The following CDK5RAP2 variants were observed in gnomAD, a reference collection of about 807,000 sequenced individuals.
The protein encoded by CDK5RAP2 is CDK5 regulatory subunit associated protein 2, also known as CDK5 regulatory subunit-associated protein 2.
CDK5RAP2 carries 147 observed loss-of-function variants against 232.9 expected under a neutral mutation model. The ratio of observed to expected loss-of-function variants is 0.63; its 90% CI spans 0.55 to 0.72. The LOEUF (loss-of-function observed/expected upper bound fraction) is 0.72. CDK5RAP2 is among the 30% of genes least tolerant of loss of function. CDK5RAP2 has a pLI of 0.00. For synonymous variants in CDK5RAP2, 833 were observed against 833.7 expected (o/e 1.00, Z 0.01); for missense variants, 2,195 against 2,231.5 (o/e 0.98, Z 0.33).
At position 120,409,138 on chromosome 9, in the gene CDK5RAP2, C is replaced by A. The variant is rs758565861; in HGVS notation, c.4593G>T (p.Gln1531His). The A allele has an allele frequency of 8.7e-6, 14 of 1,611,838 alleles. No individual in the cohort carries two copies. The highest frequency in any genetic ancestry group is 9.3e-6 in the Non-Finnish European group (11 of 1,179,988). The change falls in exon 30 of 38, where the codon CAG becomes CAT. Residue 1531 changes from glutamine (Q) to histidine (H), a missense_variant. Transcript: ENST00000349780. ...QLIQEVRCSG[Q>H]ELSRVQEEVK... ...AGCACAGCCACTACCTGCTCAGCTC[C>A]TGGCCGCTGCAGCGGACCTCCTGGA...
intron 19 of CDK5RAP2, among the ~76,000 whole-genome samples, chr9:120,458,956 C>T (rs2036936645): frequency 6.6e-6 from 1 of 152,188 alleles, no homozygotes; most frequent in African/African-American, 2.4e-5. Context: ...GAGACCACCT[C>T]AGGTGACATG....
chr9:120,567,891 C>T lies in CDK5RAP2; in HGVS notation c.195+430G>A, dbSNP rs77813383. 6.2e-3 allele frequency among the ~76,000 whole-genome samples: 948 copies of T among 152,248 alleles called. 10 individuals carry two copies. Among genetic ancestry groups the T allele is most frequent in the African/African-American group, 0.021 (881 of 41,548 alleles). ...TCCTAGTCTTAAGATTCCTAACCTG[C>T]AAAATGGGAATGATACAAAATATCT... On this transcript the variant is annotated intron_variant, in intron 3 of 37. Coordinates refer to ENST00000349780, the MANE Select transcript of CDK5RAP2 (RefSeq NM_018249.6).
intron 5 of CDK5RAP2, among the ~76,000 whole-genome samples, chr9:120,542,830 G>C (rs1294991024): frequency 1.3e-5 from 2 of 152,180 alleles, no homozygotes; most frequent in African/African-American, 2.4e-5. Flanking sequence ...GTTAAACATA[G>C]AGTATTATCA....
rs540338259 is a variant in CDK5RAP2, at chr9:120,453,948, G to A, written c.2376-75C>T. On this transcript the variant is annotated intron_variant, in intron 20 of 37. Transcript: ENST00000349780. ...CCTTGTCCCCTAGCCAGTATCCCAAGTTATCCCCACCTACTGTTGCCCAGA... is the reference window on the plus strand; with the variant it reads ...CCTTGTCCCCTAGCCAGTATCCCAAATTATCCCCACCTACTGTTGCCCAGA... The A allele has an allele frequency of 6.8e-5, 98 of 1,448,310 alleles. No homozygotes were observed. In the South Asian group the frequency reaches 1.0e-3, roughly 15 times the overall value. The allele number at this position is 1,448,310 out of a possible 1,614,324, so 89.7% of individuals were successfully genotyped here.
At chr9:120,399,204 G>T (rs993175803) in intron 35 of CDK5RAP2, among the ~76,000 whole-genome samples, 4 of 152,116 alleles carry the variant, frequency 2.6e-5, no homozygotes, top group African/African-American at 9.7e-5. Flanking sequence ...AACTTTTTTT[G>T]TGTGTATATA....
In CDK5RAP2 at chr9:120,579,964, C is replaced by G. The variant is rs762101888; in HGVS notation, c.15G>C (p.Val5=). MMDL[V]LEEDVTVPGT... ...CAGGGACGGTGACGTCCTCTTCCAA[C>G]ACCAAGTCCATCATGGCTACAGAGG... is the stretch of plus-strand genomic sequence containing the variant. Residue 5 remains valine (V), a synonymous_variant, in exon 1 of 38, where the codon GTG becomes GTC. Coordinates refer to ENST00000349780, the MANE Select transcript of CDK5RAP2 (RefSeq NM_018249.6). 1 of 1,612,294 alleles carries G rather than the reference C, an allele frequency of 6.2e-7. No homozygotes were observed. Among genetic ancestry groups the G allele is most frequent in the African/African-American group, 1.3e-5 (1 of 74,924 alleles).
chr9:120,575,699 C>T (rs1014747941), intron 1 of CDK5RAP2, among the ~76,000 whole-genome samples: 3 of 152,164 alleles, frequency 2.0e-5, no homozygotes, highest in African/African-American at 4.8e-5. Context: ...GCCTAAAGTT[C>T]TCCTTGGCTC....
intron 16 of CDK5RAP2, among the ~76,000 whole-genome samples, chr9:120,471,457 G>A (rs1180564790): frequency 6.6e-6 from 1 of 152,198 alleles, no homozygotes; most frequent in African/African-American, 2.4e-5. Context: ...CCCCAAAAAA[G>A]GGGATTGCAA....
chr9:120,481,829 T>C (rs1268917942), intron 14 of CDK5RAP2, among the ~76,000 whole-genome samples: 2 of 152,194 alleles, frequency 1.3e-5, no homozygotes, highest in African/African-American at 4.8e-5. Context: ...TCAATATTCT[T>C]ACCTCTAAGT....
At chr9:120,528,638 G>C (rs966291489) in intron 9 of CDK5RAP2, 106 bp downstream of exon 9, 5 of 757,828 alleles carry the variant, frequency 6.6e-6, no homozygotes, top group African/African-American at 1.7e-5. Flanking sequence ...AGCATTCAAT[G>C]AGTGACAGCT....
chr9:120,417,522 A>T (rs1470967114), intron 27 of CDK5RAP2, among the ~76,000 whole-genome samples: 1 of 152,236 alleles, frequency 6.6e-6, no homozygotes, highest in Non-Finnish European at 1.5e-5. Context: ...TCACACACTC[A>T]TGACTGTGAG....
chr9:120,556,459 C>T (rs969653609), intron 3 of CDK5RAP2, among the ~76,000 whole-genome samples: 7 of 150,378 alleles, frequency 4.7e-5, no homozygotes, highest in Admixed American at 1.3e-4. Flanking sequence ...GACAGAGTCT[C>T]GCTCTGTCAC....
At chr9:120,479,803 G>C (rs1346700512) in intron 14 of CDK5RAP2, among the ~76,000 whole-genome samples, 1 of 152,128 alleles carries the variant, frequency 6.6e-6, no homozygotes, top group African/African-American at 2.4e-5. Flanking sequence ...CACTACAAAG[G>C]GTGTTATTGA....
chr9:120,491,499 A>C (rs752541580), intron 12 of CDK5RAP2, 22 bp from the exon 13 acceptor site: 2 of 1,587,204 alleles, frequency 1.3e-6, no homozygotes, highest in Non-Finnish European at 1.7e-6. Flanking sequence ...AAATGAAAAA[A>C]TGGAATTTAC....
chr9:120,455,797 G>C (rs913090476), intron 20 of CDK5RAP2, among the ~76,000 whole-genome samples: 1 of 151,728 alleles, frequency 6.6e-6, no homozygotes, highest in Admixed American at 6.6e-5. Flanking sequence ...AATGGACGGA[G>C]AGGCCTTGCA....
intron 25 of CDK5RAP2, among the ~76,000 whole-genome samples, chr9:120,431,253 AAAGTAT>A (rs1427292059): frequency 6.6e-6 from 1 of 152,224 alleles, no homozygotes; most frequent in Non-Finnish European, 1.5e-5. Context: ...CCTAAAACTT[AAAGTAT>A]AATAATAAGA....
chr9:120,394,759 A>T (rs2032315235), intron 35 of CDK5RAP2, 121 bp from the exon 36 acceptor site: 1 of 870,504 alleles, frequency 1.1e-6, no homozygotes, highest in Non-Finnish European at 1.8e-6. Context: ...ATTTGAATGG[A>T]AACTAGAAGC....
At chr9:120,462,710 G>A (rs896795195) in intron 18 of CDK5RAP2, among the ~76,000 whole-genome samples, 3 of 152,218 alleles carry the variant, frequency 2.0e-5, no homozygotes, top group African/African-American at 7.2e-5. Flanking sequence ...TTAACCCATA[G>A]TGGGACAAAA....
intron 29 of CDK5RAP2, among the ~76,000 whole-genome samples, chr9:120,410,914 A>G (rs2033806939): frequency 6.6e-6 from 1 of 152,256 alleles, no homozygotes; most frequent in Non-Finnish European, 1.5e-5. Flanking sequence ...GAAGGAATTA[A>G]GACAAGCGAT....
Sources: gnomAD v4.1 joint callset for allele counts (sites outside exome capture counted in the v4.1 genomes callset) on GRCh38, gnomAD v4.1.1 for gene constraint, MANE v1.5 for transcripts, NCBI Gene and HGNC (gene_info 2026-07-23, HGNC 2026-07-21) for gene names.